Variants in MAN1A1 observed in about 807,000 individuals in gnomAD.
MAN1A1 encodes the protein mannosyl-oligosaccharide 1,2-alpha-mannosidase IA.
In MAN1A1, 29 loss-of-function variants were observed where a neutral mutation model predicts 70.8. That is an observed-to-expected ratio of 0.41 (90% confidence interval 0.31 to 0.56). The LOEUF is 0.56. MAN1A1 is among the 20% of genes least tolerant of loss of function. MAN1A1 has a pLI of 0.29. For synonymous variants in MAN1A1, 349 were observed against 330.1 expected (o/e 1.06, Z -0.62); for missense variants, 747 against 841.3 (o/e 0.89, Z 1.39).
At chr6:119,244,296 G>C (rs1035303710) in intron 6 of MAN1A1, among the ~76,000 whole-genome samples, 6 of 152,026 alleles carry the variant, frequency 3.9e-5, no homozygotes, top group Non-Finnish European at 7.4e-5. Context: ...TTTCACATTA[G>C]AGAAATTGAG....
At chr6:119,297,807 TTG>T (rs1262920760) in intron 4 of MAN1A1, among the ~76,000 whole-genome samples, 3,181 of 150,076 alleles carry the variant, frequency 0.021, 128 homozygotes, top group African/African-American at 0.066. Context: ...TTGTTTTGTT[TTG>T]TTTTTTAAAT....
chr6:119,191,826 T>C (rs975465141), intron 9 of MAN1A1, among the ~76,000 whole-genome samples: 6 of 152,200 alleles, frequency 3.9e-5, no homozygotes, highest in African/African-American at 1.4e-4. Context: ...TCTTCAGTAA[T>C]CAATTGTCCA....
chr6:119,208,834 C>T (rs1357783047), intron 6 of MAN1A1, among the ~76,000 whole-genome samples: 3 of 152,150 alleles, frequency 2.0e-5, no homozygotes, highest in African/African-American at 7.2e-5. Context: ...ATGCATCATT[C>T]CAGTAATCCC....
At chr6:119,342,850 T>G (rs936560111) in intron 2 of MAN1A1, among the ~76,000 whole-genome samples, 1 of 152,224 alleles carries the variant, frequency 6.6e-6, no homozygotes, top group African/African-American at 2.4e-5. Context: ...AGTCATCACA[T>G]GTCCCTTCTC....
chr6:119,232,683 GT>G (rs1774719930), intron 6 of MAN1A1, among the ~76,000 whole-genome samples: 3 of 45,682 alleles, frequency 6.6e-5, no homozygotes, highest in Non-Finnish European at 2.2e-4. Flanking sequence ...ATATATATGT[GT>G]GTGTGTGTGT....
At chr6:119,236,563 C>G (rs1774849744) in intron 6 of MAN1A1, among the ~76,000 whole-genome samples, 1 of 151,988 alleles carries the variant, frequency 6.6e-6, no homozygotes, top group East Asian at 1.9e-4. Context: ...CAGAAATTAG[C>G]TAGGCGGGGT....
chr6:119,217,854 C>T (rs1026493660), intron 6 of MAN1A1, among the ~76,000 whole-genome samples: 4 of 152,254 alleles, frequency 2.6e-5, no homozygotes, highest in Admixed American at 2.0e-4. Context: ...AAAGGGAGTT[C>T]GTTGTTTTTC....
intron 7 of MAN1A1, 41 bp from the exon 8 acceptor site, chr6:119,201,388 A>T: frequency 7.1e-7 from 1 of 1,401,360 alleles, no homozygotes; most frequent in Non-Finnish European, 1.0e-6. Context: ...AATCTAAAAA[A>T]CAATTTTCAT....
chr6:119,284,442 G>A (rs1582766734), intron 5 of MAN1A1, among the ~76,000 whole-genome samples: 1 of 152,100 alleles, frequency 6.6e-6, no homozygotes, highest in Non-Finnish European at 1.5e-5. Flanking sequence ...CTGCTCTCAA[G>A]GTCTTTCCCA....
At chr6:119,200,076 A>G (rs1024780736) in intron 8 of MAN1A1, among the ~76,000 whole-genome samples, 2 of 152,272 alleles carry the variant, frequency 1.3e-5, no homozygotes, top group Non-Finnish European at 2.9e-5. Flanking sequence ...CTTTCAAAGT[A>G]CCACTATTAA....
chr6:119,232,554 A>G (rs888748480), intron 6 of MAN1A1, among the ~76,000 whole-genome samples: 1 of 152,134 alleles, frequency 6.6e-6, no homozygotes, highest in African/African-American at 2.4e-5. Flanking sequence ...GCATAAAATT[A>G]TTTCTTTCGG....
chr6:119,289,263 A>G (rs1490004681), intron 5 of MAN1A1, among the ~76,000 whole-genome samples: 2 of 151,830 alleles, frequency 1.3e-5, no homozygotes, highest in African/African-American at 4.8e-5. Flanking sequence ...ATTTCCTCCA[A>G]ATTGTCTCAC....
Position 119,322,902 on chromosome 6 carries a change from A to G in MAN1A1, c.604-15910T>C, listed in dbSNP as rs74824373. On this transcript the variant is annotated intron_variant, in intron 2 of 12. Transcript: ENST00000368468. ...GGGTCTTTGATGTGGTGCTCAGCAC[A>G]TAACTGAGCCCACAGCAAGGTGGTG... Among the ~76,000 whole-genome samples the G allele has an allele frequency of 5.9e-3, 896 of 152,330 alleles. 29 individuals are homozygous for G. The East Asian group carries it at 0.091, about 15-fold the overall frequency.
intron 5 of MAN1A1, among the ~76,000 whole-genome samples, chr6:119,289,095 C>A (rs1202061519): frequency 6.6e-6 from 1 of 151,436 alleles, no homozygotes; most frequent in Non-Finnish European, 1.5e-5. Flanking sequence ...ATCAAGTATA[C>A]ACATATATAG....
At chr6:119,274,292 A>G (rs1167829689) in intron 5 of MAN1A1, among the ~76,000 whole-genome samples, 2 of 152,220 alleles carry the variant, frequency 1.3e-5, no homozygotes, top group Non-Finnish European at 2.9e-5. Flanking sequence ...TACTTTTTCT[A>G]AGTGAATAAA....
At chr6:119,262,388 TG>T (rs1445095876) in intron 5 of MAN1A1, among the ~76,000 whole-genome samples, 1 of 152,038 alleles carries the variant, frequency 6.6e-6, no homozygotes, top group Non-Finnish European at 1.5e-5. Context: ...AAGGTCAACA[TG>T]GATCTTTAAG....
chr6:119,345,677 A>G (rs928141060), intron 2 of MAN1A1, among the ~76,000 whole-genome samples: 3 of 152,236 alleles, frequency 2.0e-5, no homozygotes, highest in African/African-American at 7.2e-5. Context: ...ACTTTGAACC[A>G]AGTACAAAAT....
chr6:119,284,025 C>T lies in MAN1A1; in HGVS notation c.897+6658G>A, dbSNP rs143464444. Among the ~76,000 whole-genome samples, 924 of 152,274 alleles carry T rather than the reference C, an allele frequency of 6.1e-3. 6 individuals carry two copies. The highest frequency in any genetic ancestry group is 0.021 in the African/African-American group (873 of 41,548). Reference sequence around the variant, plus strand: ...CAATAACAAAACCGACCAACCAGAACATCAACTTTTTTTCTTACAGGTCTC... The same window carrying T: ...CAATAACAAAACCGACCAACCAGAATATCAACTTTTTTTCTTACAGGTCTC... On this transcript the variant is annotated intron_variant, in intron 5 of 12. Transcript: ENST00000368468.
chr6:119,349,531 G>A lies in MAN1A1; in HGVS notation c.-223+11C>T, dbSNP rs539688667. The A allele has an allele frequency of 2.9e-5, 29 of 986,008 alleles. No individual in the cohort carries two copies. Among genetic ancestry groups the A allele is most frequent in the Non-Finnish European group, 3.3e-5 (27 of 830,054 alleles). 61.1% of individuals were successfully genotyped at this position (986,008 alleles called of 1,614,324 possible). A position where few individuals can be genotyped will look rare whatever the true frequency, so the allele number is the denominator to read the frequency against. ...GGCAGCGCGCGAGCACCTCGGGGAG[G>A]GGCAGCGCACCTCTGGGCAGGAGGG... On this transcript the variant is annotated intron_variant, in intron 1 of 12. Transcript: ENST00000368468.
Sources: allele counts gnomAD v4.1 joint callset (sites outside exome capture counted in the v4.1 genomes callset), GRCh38; gene constraint gnomAD v4.1.1; transcripts MANE v1.5; gene names NCBI Gene and HGNC (gene_info 2026-07-23, HGNC 2026-07-21).